Variants in SLIT3 observed in about 807,000 individuals in gnomAD.
SLIT3 encodes slit homolog 3 protein.
SLIT3 carries 68 observed loss-of-function variants against 184.0 expected under a neutral mutation model. That is an observed-to-expected ratio of 0.37 (90% CI 0.30 to 0.45). SLIT3 has a LOEUF of 0.45. Among genes scored for constraint, SLIT3 ranks in the 20% least tolerant of loss-of-function variants. The pLI is 1.00. For synonymous variants in SLIT3, 831 were observed against 828.6 expected, an observed-to-expected ratio of 1.00 and a Z score of -0.05; for missense variants, 1,707 against 2,026.0, an observed-to-expected ratio of 0.84 and a Z score of 3.02.
intron 25 of SLIT3, among the ~76,000 whole-genome samples, chr5:168,708,887 G>A (rs2113311116): frequency 6.6e-6 from 1 of 152,298 alleles, no homozygotes; most frequent in Non-Finnish European, 1.5e-5. Context: ...GTGACTGTTT[G>A]TGGATGAGTA....
chr5:169,163,182 A>G (rs1762533012), intron 4 of SLIT3, among the ~76,000 whole-genome samples: 1 of 152,076 alleles, frequency 6.6e-6, no homozygotes, highest in Non-Finnish European at 1.5e-5. Flanking sequence ...TTAGCTGGGC[A>G]TGGTGGTGTG....
intron 1 of SLIT3, among the ~76,000 whole-genome samples, chr5:169,263,122 C>T (rs974343947): frequency 7.2e-5 from 11 of 152,110 alleles, no homozygotes; most frequent in African/African-American, 2.4e-4. Context: ...AGAAGGATTA[C>T]TTGAGGCCAG....
intron 20 of SLIT3, 125 bp downstream of exon 20, chr5:168,748,177 A>T (rs1016109002): frequency 3.5e-6 from 4 of 1,146,344 alleles, no homozygotes; most frequent in Non-Finnish European, 4.7e-6. Context: ...GCTGGGATCC[A>T]TTCAAGTAGG....
In SLIT3 at chr5:168,748,824, C is replaced by T. The variant is rs1161884905; in HGVS notation, c.2138-390G>A. Among the ~76,000 whole-genome samples the T allele has an allele frequency of 2.0e-5, 3 of 152,302 alleles. No homozygotes were observed. In the East Asian group the frequency reaches 5.8e-4, roughly 29 times the overall value. On this transcript the variant is annotated intron_variant, in intron 19 of 35. Coordinates refer to ENST00000519560, the MANE Select transcript of SLIT3 (RefSeq NM_003062.4). ...TCCCTCCGGGGTGTTGAGTATGTCC[C>T]AAGCCTCCATTGTGCCTTAATCTCA...
chr5:168,813,558 A>T (rs1757235998), intron 8 of SLIT3, among the ~76,000 whole-genome samples: 1 of 152,240 alleles, frequency 6.6e-6, no homozygotes, highest in Admixed American at 6.5e-5. Flanking sequence ...ATAAAAAGAT[A>T]AAGCTCTATT....
intron 4 of SLIT3, 31 bp downstream of exon 4, chr5:169,193,448 A>G: frequency 6.3e-7 from 1 of 1,593,388 alleles, no homozygotes; most frequent in Non-Finnish European, 8.6e-7. Context: ...GGCAAGGCAC[A>G]AGGTAGAGAA....
intron 4 of SLIT3, among the ~76,000 whole-genome samples, chr5:168,952,039 G>A (rs1363413410): frequency 6.6e-6 from 1 of 152,156 alleles, no homozygotes; most frequent in Non-Finnish European, 1.5e-5. Context: ...GAATCTTCTA[G>A]AGTTTCCTGG....
At chr5:169,125,001 AT>A in intron 4 of SLIT3, among the ~76,000 whole-genome samples, 1 of 151,734 alleles carries the variant, frequency 6.6e-6, no homozygotes, top group African/African-American at 2.4e-5. Flanking sequence ...TTCTGTTTTT[AT>A]TTTTTGTTTT....
chr5:168,802,341 A>G (rs1415225787), intron 9 of SLIT3, among the ~76,000 whole-genome samples: 1 of 151,974 alleles, frequency 6.6e-6, no homozygotes, highest in Non-Finnish European at 1.5e-5. Flanking sequence ...AAGAAGCAGG[A>G]TCCCCCCTCC....
chr5:168,854,990 A>G lies in SLIT3; in HGVS notation c.486-10335T>C, dbSNP rs1236112578. On this transcript the variant is annotated intron_variant, in intron 5 of 35. Coordinates refer to ENST00000519560, the MANE Select transcript of SLIT3 (RefSeq NM_003062.4). ...GATCTAGCTAATACACAGCATGGAA[A>G]TACTCTAGAAGAGGCCAGCTTCCTT... Among the ~76,000 whole-genome samples, 3 of 152,222 alleles carry G rather than the reference A, an allele frequency of 2.0e-5. No homozygotes were observed. In the East Asian group the frequency reaches 5.8e-4, roughly 29 times the overall value.
At chr5:168,823,213 C>A (rs759176562) in intron 7 of SLIT3, 47 bp downstream of exon 7, 1 of 1,445,296 alleles carries the variant, frequency 6.9e-7, no homozygotes, top group Non-Finnish European at 9.7e-7. Context: ...GCACTTTGGG[C>A]GTGAGGTAGG....
chr5:169,114,445 A>G (rs1391850167), intron 4 of SLIT3, among the ~76,000 whole-genome samples: 1 of 152,186 alleles, frequency 6.6e-6, no homozygotes, highest in Admixed American at 6.5e-5. Flanking sequence ...ACGCCTCAAC[A>G]CTATTCTACA....
At chr5:168,969,169 A>C (rs529934657) in intron 4 of SLIT3, among the ~76,000 whole-genome samples, 1 of 152,252 alleles carries the variant, frequency 6.6e-6, no homozygotes, top group Admixed American at 6.5e-5. Context: ...AAATGAAAGA[A>C]CTGTTGGGCG....
intron 4 of SLIT3, among the ~76,000 whole-genome samples, chr5:169,070,426 T>C (rs1758503758): frequency 6.6e-6 from 1 of 152,164 alleles, no homozygotes; most frequent in Admixed American, 6.5e-5. Flanking sequence ...TCAGGCTGTC[T>C]CTTGTCACTG....
In SLIT3 at chr5:168,685,817, G is replaced by T. The variant is rs1271824977; in HGVS notation, c.3425C>A (p.Thr1142Asn). The T allele has an allele frequency of 6.2e-7, 1 of 1,613,964 alleles. No individual in the cohort carries two copies. Among genetic ancestry groups the T allele is most frequent in the Non-Finnish European group, 8.5e-7 (1 of 1,180,002 alleles). ...GGCGAAGCCTGGTGGGCAGCGGCAG[G>T]TGGGCTCCTGCTGCACCACGATGCA... Reference protein sequence around the residue: ...AQCIVVQQEPTCRCPPGFAGP... With the variant: ...AQCIVVQQEPNCRCPPGFAGP... Residue 1142 changes from threonine to asparagine, a missense_variant, in exon 31 of 36, where the codon ACC becomes AAC. Transcript: ENST00000519560.
chr5:168,901,267 G>A (rs1356007413), intron 4 of SLIT3, among the ~76,000 whole-genome samples: 2 of 152,204 alleles, frequency 1.3e-5, no homozygotes, highest in East Asian at 1.9e-4. Context: ...GGGAGGCTGA[G>A]GCGGGAGAAT....
chr5:168,763,521 G>A (rs754023294), intron 14 of SLIT3, among the ~76,000 whole-genome samples: 36 of 152,132 alleles, frequency 2.4e-4, no homozygotes, highest in Non-Finnish European at 5.0e-4. Context: ...TGAAAGGCAC[G>A]TTCTGATGAG....
chr5:169,099,543 C>T (rs1759927542), intron 4 of SLIT3, among the ~76,000 whole-genome samples: 1 of 152,164 alleles, frequency 6.6e-6, no homozygotes. Flanking sequence ...CCATTTTATT[C>T]TCATAACCTT....
intron 3 of SLIT3, among the ~76,000 whole-genome samples, chr5:169,201,509 T>C (rs1180630180): frequency 1.3e-5 from 2 of 152,214 alleles, no homozygotes; most frequent in African/African-American, 4.8e-5. Flanking sequence ...ACAGCTACTG[T>C]TATTATCAGT....
Sources: gnomAD v4.1 joint callset for allele counts (sites outside exome capture counted in the v4.1 genomes callset) on GRCh38, gnomAD v4.1.1 for gene constraint, MANE v1.5 for transcripts, NCBI Gene and HGNC (gene_info 2026-07-23, HGNC 2026-07-21) for gene names.